The following TRAPPC8 variants were observed in gnomAD, a reference collection of about 807,000 sequenced individuals.
The protein encoded by TRAPPC8 is general sporulation gene 1 homolog.
TRAPPC8 carries 54 observed loss-of-function variants against 174.3 expected under a neutral mutation model. The observed-to-expected ratio is 0.31, with a 90% CI of 0.25 to 0.39. The LOEUF is 0.39. TRAPPC8 is among the 10% of genes least tolerant of loss of function. The probability of loss-of-function intolerance (pLI) is 1.00; values close to 1 mark genes in which losing one functional copy is unlikely to be tolerated. For missense variants in TRAPPC8, 1,531 were observed against 1,699.1 expected, an observed-to-expected ratio of 0.90 and a Z score of 1.74; for synonymous variants, 630 against 579.9, an observed-to-expected ratio of 1.09 and a Z score of -1.24.
At position 31,830,477 on chromosome 18, in the gene TRAPPC8, T is replaced by TACCAGTCACTC; in HGVS notation, c.*277_*278insGAGTGACTGGT. The TACCAGTCACTC allele has an allele frequency of 2.8e-6, 1 of 355,752 alleles. No individual in the cohort carries two copies. 22.0% of individuals were successfully genotyped at this position (355,752 alleles called of 1,614,324 possible). A position where few individuals can be genotyped will look rare whatever the true frequency, so the allele number is the denominator to read the frequency against. On this transcript the variant is annotated 3_prime_UTR_variant, in exon 29 of 29. Coordinates refer to ENST00000283351, the MANE Select transcript of TRAPPC8 (RefSeq NM_014939.5). Reference sequence around the variant, plus strand: ...TGTAACAGCAGACTTAGACTTTGTGTTTTCTTAAGATGGGGCTTAATAAGG... The same window carrying TACCAGTCACTC: ...TGTAACAGCAGACTTAGACTTTGTGTACCAGTCACTCTTTCTTAAGATGGGGCTTAATAAGG...
intron 1 of TRAPPC8, among the ~76,000 whole-genome samples, chr18:31,933,373 A>G (rs1358752092): frequency 6.6e-6 from 1 of 152,034 alleles, no homozygotes; most frequent in South Asian, 2.1e-4. Flanking sequence ...ACCTTGATTT[A>G]AATCCCAACC....
At chr18:31,928,719 GTT>G (rs896675148) in intron 2 of TRAPPC8, among the ~76,000 whole-genome samples, 143 of 152,098 alleles carry the variant, frequency 9.4e-4, no homozygotes, top group African/African-American at 3.3e-3. Context: ...TGATTAACAC[GTT>G]TGTCTCCCTA....
chr18:31,899,107 G>C (rs936152088), intron 10 of TRAPPC8, among the ~76,000 whole-genome samples: 1 of 152,056 alleles, frequency 6.6e-6, no homozygotes, highest in Admixed American at 6.6e-5. Context: ...CTGTTTTGAT[G>C]AACACAAAAG....
At chr18:31,883,034 C>A (rs1443053170) in intron 12 of TRAPPC8, among the ~76,000 whole-genome samples, 1 of 150,406 alleles carries the variant, frequency 6.6e-6, no homozygotes, top group African/African-American at 2.4e-5. Context: ...ACCAGCCTGG[C>A]CAACATGGTG....
At chr18:31,920,329 T>C (rs1344124796) in intron 2 of TRAPPC8, among the ~76,000 whole-genome samples, 1 of 152,122 alleles carries the variant, frequency 6.6e-6, no homozygotes, top group Non-Finnish European at 1.5e-5. Context: ...GTAATGACAT[T>C]GAAAGACTAG....
intron 12 of TRAPPC8, among the ~76,000 whole-genome samples, chr18:31,885,752 C>T (rs555781198): frequency 2.6e-5 from 4 of 151,448 alleles, no homozygotes; most frequent in East Asian, 4.0e-4. Context: ...CCCAGCTACT[C>T]GGGAGGCTGA....
intron 16 of TRAPPC8, among the ~76,000 whole-genome samples, chr18:31,868,026 C>T (rs2034672387): frequency 6.6e-6 from 1 of 152,106 alleles, no homozygotes; most frequent in Non-Finnish European, 1.5e-5. Flanking sequence ...TGACCAGCCT[C>T]TTTTTCAAAA....
At chr18:31,917,025 C>T (rs2037179263) in intron 3 of TRAPPC8, among the ~76,000 whole-genome samples, 1 of 151,956 alleles carries the variant, frequency 6.6e-6, no homozygotes, top group Non-Finnish European at 1.5e-5. Context: ...AAATGGACAA[C>T]TGTACAACTT....
intron 19 of TRAPPC8, among the ~76,000 whole-genome samples, chr18:31,861,312 CTA>C (rs1385190216): frequency 2.0e-5 from 3 of 152,058 alleles, no homozygotes; most frequent in African/African-American, 7.3e-5. Flanking sequence ...AGAACTGCCT[CTA>C]TAACAAAATT....
intron 2 of TRAPPC8, among the ~76,000 whole-genome samples, chr18:31,929,792 A>G (rs1054939777): frequency 3.3e-5 from 5 of 152,260 alleles, no homozygotes; most frequent in African/African-American, 1.2e-4. Flanking sequence ...CCTTCACACT[A>G]CAACACTGAT....
At chr18:31,840,588 G>A (rs1405147274) in intron 26 of TRAPPC8, among the ~76,000 whole-genome samples, 1 of 152,166 alleles carries the variant, frequency 6.6e-6, no homozygotes, top group African/African-American at 2.4e-5. Flanking sequence ...CATAGCCCAT[G>A]GGCTAAATCC....
intron 9 of TRAPPC8, among the ~76,000 whole-genome samples, chr18:31,902,974 C>T (rs888159440): frequency 2.7e-5 from 4 of 150,732 alleles, no homozygotes; most frequent in East Asian, 3.9e-4. Flanking sequence ...GCGTGAACCC[C>T]GGGGAGCGGA....
chr18:31,831,434 C>T (rs189046188), intron 28 of TRAPPC8, among the ~76,000 whole-genome samples: 2 of 152,266 alleles, frequency 1.3e-5, no homozygotes, highest in Middle Eastern at 3.4e-3. Flanking sequence ...ATAATAGCAA[C>T]ATCATTACTA....
At chr18:31,927,125 T>C (rs75401857) in intron 2 of TRAPPC8, among the ~76,000 whole-genome samples, 3,386 of 152,240 alleles carry the variant, frequency 0.022, 115 homozygotes, top group African/African-American at 0.076. Flanking sequence ...ATTTTTCTTT[T>C]GAGGCAGGGT....
rs767493111 is a variant in TRAPPC8 at position 31,890,796 on chromosome 18, A to G, written c.1667T>C (p.Met556Thr). 1 of 1,612,668 alleles carries G rather than the reference A, an allele frequency of 6.2e-7. No homozygotes were observed. The highest frequency in any genetic ancestry group is 1.3e-5 in the African/African-American group (1 of 75,014). Residue 556 changes from methionine (M) to threonine (T), a missense_variant, in exon 12 of 29, where the codon ATG becomes ACG. Coordinates refer to ENST00000283351, the MANE Select transcript of TRAPPC8 (RefSeq NM_014939.5). ...AHCFINMKSP[M>T]VRKYAFHMIL... The stretch of plus-strand genomic sequence containing the variant: ...CATATGAAATGCATATTTTCTAACC[A>G]TGGGACTTTTCATGTTTATAAAGCA...
Position 31,857,704 on chromosome 18 carries a change from T to A in TRAPPC8, c.3024A>T (p.Thr1008=). 6.2e-7 allele frequency: 1 copy of A among 1,614,150 alleles called. No homozygotes were observed. Residue 1008 remains threonine, a synonymous_variant, in exon 20 of 29, where the codon ACA becomes ACT. Transcript: ENST00000283351. ...CAGGAATCACCTCTGGTTGACTTCC[T>A]GTGCCAATGCCAAAGTCTACAGAAG... ...SASSVDFGIG[T]GSQPEVIPVP... is the part of the protein sequence containing the mutation.
chr18:31,898,148 T>A (rs1433028118), intron 10 of TRAPPC8, among the ~76,000 whole-genome samples: 1 of 152,172 alleles, frequency 6.6e-6, no homozygotes, highest in African/African-American at 2.4e-5. Context: ...CCTACTACAA[T>A]GTAAATACTA....
chr18:31,897,883 A>C lies in TRAPPC8; in HGVS notation c.1499T>G (p.Val500Gly), dbSNP rs778837205. Residue 500 changes from valine (V) to glycine (G), a missense_variant, in exon 11 of 29, where the codon GTG (valine) becomes GGG (glycine). Val to Gly is a moderately radical substitution (Grantham distance 109). Coordinates refer to ENST00000283351, the MANE Select transcript of TRAPPC8 (RefSeq NM_014939.5). ...AAGCAACACACATCTTTCAGCCAAC[A>C]CCATATTCCTATAGAAAAAAGGACA... is the stretch of plus-strand genomic sequence containing the variant. ...QTYRDICKNM[V>G]LAERCVLLSA... 6.2e-7 allele frequency: 1 copy of C among 1,610,716 alleles called. No individual in the cohort carries two copies. Among genetic ancestry groups the C allele is most frequent in the Non-Finnish European group, 8.5e-7 (1 of 1,178,156 alleles).
intron 12 of TRAPPC8, among the ~76,000 whole-genome samples, chr18:31,880,735 G>C (rs528344831): frequency 2.8e-4 from 42 of 152,182 alleles, no homozygotes; most frequent in African/African-American, 9.1e-4. Flanking sequence ...ATGATGACAA[G>C]ATCCTATACC....
Sources: gnomAD v4.1 joint callset for allele counts (sites outside exome capture counted in the v4.1 genomes callset) on GRCh38, gnomAD v4.1.1 for gene constraint, MANE v1.5 for transcripts, NCBI Gene and HGNC (gene_info 2026-07-23, HGNC 2026-07-21) for gene names.